The following PLD5 variants were observed in gnomAD, a reference collection of about 807,000 sequenced individuals.
PLD5 encodes the protein phospholipase D family member 5, also known as inactive phospholipase D5.
PLD5 carries 36 observed loss-of-function variants against 61.1 expected under a neutral mutation model. The ratio of observed to expected loss-of-function variants is 0.59; its 90% confidence interval spans 0.45 to 0.78. The LOEUF (loss-of-function observed/expected upper bound fraction) is 0.78. Ranked by LOEUF, PLD5 falls within the 30% of genes least tolerant of loss-of-function variation. The pLI is 0.00. For synonymous variants in PLD5, 243 were observed against 242.8 expected, an observed-to-expected ratio of 1.00 and a Z score of -0.01; for missense variants, 515 against 644.4, an observed-to-expected ratio of 0.80 and a Z score of 2.17.
intron 5 of PLD5, among the ~76,000 whole-genome samples, chr1:242,189,407 C>T (rs143260783): frequency 6.0e-4 from 81 of 135,062 alleles, no homozygotes; most frequent in African/African-American, 2.2e-3. Flanking sequence ...GATCATGCCA[C>T]TGCACTCCAG....
At chr1:242,248,680 A>T (rs1672529141) in intron 4 of PLD5, among the ~76,000 whole-genome samples, 1 of 151,422 alleles carries the variant, frequency 6.6e-6, no homozygotes, top group Admixed American at 6.6e-5. Flanking sequence ...GCTCAAGTAA[A>T]CTCTTCAAAT....
At chr1:242,395,112 A>AAT (rs1264022468) in intron 1 of PLD5, among the ~76,000 whole-genome samples, 7 of 146,060 alleles carry the variant, frequency 4.8e-5, no homozygotes, top group Non-Finnish European at 7.5e-5. Flanking sequence ...TATGTATATG[A>AAT]ATATATATGT....
chr1:242,394,175 TATATATGA>T (rs1324730009), intron 1 of PLD5, among the ~76,000 whole-genome samples: 4 of 79,528 alleles, frequency 5.0e-5, no homozygotes, highest in East Asian at 3.1e-4. Context: ...TATATATGTG[TATATATGA>T]GTATATATGA....
chr1:242,194,058 C>T (rs420194), intron 5 of PLD5, among the ~76,000 whole-genome samples: 2,963 of 152,180 alleles, frequency 0.019, 99 homozygotes, highest in African/African-American at 0.068. Flanking sequence ...GAGTTCTGGC[C>T]TTGGAGGTAT....
chr1:242,131,203 G>A (rs1663213138), intron 5 of PLD5, among the ~76,000 whole-genome samples: 1 of 152,136 alleles, frequency 6.6e-6, no homozygotes, highest in African/African-American at 2.4e-5. Flanking sequence ...CTACTTGGGA[G>A]GCTGAGGCAG....
intron 2 of PLD5, among the ~76,000 whole-genome samples, chr1:242,299,130 A>T (rs1242285870): frequency 6.6e-6 from 1 of 151,928 alleles, no homozygotes; most frequent in Non-Finnish European, 1.5e-5. Context: ...ATTTTTTTTA[A>T]TATTTTAATT....
At chr1:242,291,846 C>T (rs1452830981) in intron 2 of PLD5, among the ~76,000 whole-genome samples, 3 of 151,852 alleles carry the variant, frequency 2.0e-5, no homozygotes, top group African/African-American at 7.3e-5. Flanking sequence ...TGACAAAGAA[C>T]AGGGGAAAGA....
At chr1:242,183,358 TC>T (rs1254882557) in intron 5 of PLD5, among the ~76,000 whole-genome samples, 1 of 152,142 alleles carries the variant, frequency 6.6e-6, no homozygotes, top group Non-Finnish European at 1.5e-5. Flanking sequence ...CCCTGTATAA[TC>T]AAATCATCCC....
rs575242788 is a variant in PLD5 at position 242,462,646 on chromosome 1, C to T, written c.189+61442G>A. 2.8e-4 allele frequency among the ~76,000 whole-genome samples: 42 copies of T among 152,030 alleles called. No individual in the cohort carries two copies. The East Asian group carries it at 5.6e-3, about 20-fold the overall frequency. On this transcript the variant is annotated intron_variant, in intron 1 of 9. Coordinates refer to ENST00000536534, the MANE Select transcript of PLD5 (RefSeq NM_001372062.1). ...AGAAAAAAGGAAGAAAAATGACTCT[C>T]CCCTGGAGCCATTGCCTGGACTGTA...
chr1:242,198,321 A>G (rs990735370), intron 5 of PLD5, among the ~76,000 whole-genome samples: 1 of 152,220 alleles, frequency 6.6e-6, no homozygotes, highest in Non-Finnish European at 1.5e-5. Context: ...AATTTACATC[A>G]GTAGTGTGTG....
At chr1:242,386,037 C>A (rs931690630) in intron 1 of PLD5, among the ~76,000 whole-genome samples, 1 of 152,152 alleles carries the variant, frequency 6.6e-6, no homozygotes. Context: ...AGGACCCTCT[C>A]CTTGGCTTGT....
intron 1 of PLD5, among the ~76,000 whole-genome samples, chr1:242,395,761 G>A (rs147227020): frequency 0.013 from 1,969 of 152,226 alleles, 16 homozygotes; most frequent in Non-Finnish European, 0.018. Context: ...GTGAAGAAGG[G>A]GCTACTGGCT....
intron 4 of PLD5, among the ~76,000 whole-genome samples, chr1:242,241,967 T>A: frequency 1.7e-5 from 2 of 120,892 alleles, no homozygotes; most frequent in Admixed American, 9.3e-5. Flanking sequence ...ATATGCTTAC[T>A]TAAATATATA....
intron 5 of PLD5, among the ~76,000 whole-genome samples, chr1:242,165,875 C>G (rs4658668): frequency 0.25 from 38,045 of 151,968 alleles, 5,076 homozygotes; most frequent in South Asian, 0.35. Context: ...TACCTGGGAA[C>G]TTAAAGTGAC....
intron 2 of PLD5, among the ~76,000 whole-genome samples, chr1:242,346,361 G>T (rs993358984): frequency 2.0e-5 from 3 of 152,090 alleles, no homozygotes; most frequent in Non-Finnish European, 4.4e-5. Context: ...TAAGGAAACT[G>T]CTACGGTTTG....
In PLD5 at chr1:242,367,201, A is replaced by C. The variant is rs942135788; in HGVS notation, c.190-18959T>G. 2.6e-5 allele frequency among the ~76,000 whole-genome samples: 4 copies of C among 152,224 alleles called. No homozygotes were observed. In the South Asian group the frequency reaches 8.3e-4, roughly 31 times the overall value. ...ATAATGAATGTTGACAACTAAAAGG[A>C]GTACCACCTATGGACAAGAAATTTT... is the stretch of plus-strand genomic sequence containing the variant. On this transcript the variant is annotated intron_variant, in intron 1 of 9. Transcript: ENST00000536534.
chr1:242,512,841 G>T (rs1354109097), intron 1 of PLD5, among the ~76,000 whole-genome samples: 3 of 150,802 alleles, frequency 2.0e-5, no homozygotes, highest in Admixed American at 6.7e-5. Context: ...ATGCAAACCT[G>T]AGGTTTCTTT....
chr1:242,510,598 C>A (rs1410449484), intron 1 of PLD5, among the ~76,000 whole-genome samples: 1 of 152,164 alleles, frequency 6.6e-6, no homozygotes, highest in Admixed American at 6.5e-5. Context: ...GTAATCCCAG[C>A]ACTTTGGGAG....
At chr1:242,090,437 G>T (rs1659729336) in intron 9 of PLD5, among the ~76,000 whole-genome samples, 1 of 152,084 alleles carries the variant, frequency 6.6e-6, no homozygotes, top group Admixed American at 6.5e-5. Flanking sequence ...AATATATAGG[G>T]ATTCATTTAA....
Sources: allele counts gnomAD v4.1 joint callset (sites outside exome capture counted in the v4.1 genomes callset), GRCh38; gene constraint gnomAD v4.1.1; transcripts MANE v1.5; gene names NCBI Gene and HGNC (gene_info 2026-07-23, HGNC 2026-07-21).